Variants in RYR3 observed in about 807,000 individuals in gnomAD.
RYR3 encodes the protein brain ryanodine receptor-calcium release channel.
In RYR3, 207 loss-of-function variants were observed where a neutral mutation model predicts 584.3. The observed-to-expected ratio is 0.35, with a 90% CI of 0.32 to 0.40. RYR3 has a LOEUF of 0.40. RYR3 is among the 10% of genes least tolerant of loss of function. The pLI, the probability that RYR3 is intolerant of heterozygous loss-of-function variation, is 1.00. For missense variants in RYR3, 5,616 were observed against 6,089.2 expected, an observed-to-expected ratio of 0.92 and a Z score of 2.59; for synonymous variants, 2,416 against 2,248.5, an observed-to-expected ratio of 1.07 and a Z score of -2.11.
intron 85 of RYR3, 152 bp from the exon 86 acceptor site, chr15:33,830,811 G>A: frequency 3.1e-6 from 2 of 636,564 alleles, no homozygotes; most frequent in Non-Finnish European, 5.1e-6. Context: ...CTAGAGACCT[G>A]GTATCTCTGC....
chr15:33,442,641 C>T (rs1332729653), intron 1 of RYR3, among the ~76,000 whole-genome samples: 1 of 152,168 alleles, frequency 6.6e-6, no homozygotes, highest in East Asian at 1.9e-4. Flanking sequence ...TTGCACATGG[C>T]CTGAAAATGT....
intron 36 of RYR3, among the ~76,000 whole-genome samples, chr15:33,668,189 C>T (rs1056402164): frequency 4.0e-5 from 6 of 148,924 alleles, no homozygotes; most frequent in South Asian, 2.1e-4. Context: ...TGTTGGCGGG[C>T]GCCTGTGGTC....
intron 1 of RYR3, among the ~76,000 whole-genome samples, chr15:33,362,397 G>A (rs1173961110): frequency 3.9e-5 from 6 of 152,052 alleles, no homozygotes; most frequent in Non-Finnish European, 7.4e-5. Flanking sequence ...AATGTCTGTC[G>A]TCATCATCAT....
intron 1 of RYR3, among the ~76,000 whole-genome samples, chr15:33,400,024 CT>C (rs539974244): frequency 6.2e-4 from 95 of 152,232 alleles, no homozygotes; most frequent in African/African-American, 2.0e-3. Context: ...TCTCATGCCC[CT>C]CCCCTCTTCT....
At position 33,812,925 on chromosome 15, in the gene RYR3, A is replaced by G; in HGVS notation, c.10320A>G (p.Glu3440=). The G allele has an allele frequency of 6.2e-7, 1 of 1,614,008 alleles. No individual in the cohort carries two copies. Reference sequence around the variant, plus strand: ...ACAAGGATGTTCTGAAGAGTGAAGAACCTTTCAATCCGGAAAAGACAGTGG... The same window carrying G: ...ACAAGGATGTTCTGAAGAGTGAAGAGCCTTTCAATCCGGAAAAGACAGTGG... The part of the protein sequence containing the change: ...NLYKDVLKSE[E]PFNPEKTVER... The change falls in exon 73 of 104, where the codon GAA becomes GAG. Residue 3440 remains glutamate, a synonymous_variant. Transcript: ENST00000634891.
At chr15:33,342,609 C>CT (rs777999586) in intron 1 of RYR3, among the ~76,000 whole-genome samples, 25 of 150,364 alleles carry the variant, frequency 1.7e-4, no homozygotes, top group Admixed American at 1.2e-3. Context: ...AATAATCAAT[C>CT]TTGTTTGTTA....
At chr15:33,794,926 G>T (rs2152924099) in intron 67 of RYR3, among the ~76,000 whole-genome samples, 1 of 152,266 alleles carries the variant, frequency 6.6e-6, no homozygotes, top group Middle Eastern at 3.4e-3. Flanking sequence ...TGGTTATTGG[G>T]AAAAGTGGGG....
intron 1 of RYR3, among the ~76,000 whole-genome samples, chr15:33,406,445 G>A (rs1415069551): frequency 2.0e-5 from 3 of 152,120 alleles, no homozygotes; most frequent in African/African-American, 4.8e-5. Flanking sequence ...ATCTATCCCC[G>A]TCAGCATGAC....
intron 32 of RYR3, among the ~76,000 whole-genome samples, chr15:33,655,436 T>C (rs2062770449): frequency 6.6e-6 from 1 of 152,180 alleles, no homozygotes; most frequent in South Asian, 2.1e-4. Flanking sequence ...AATAATTAAT[T>C]TTTTAAAATG....
chr15:33,340,844 C>A (rs950666817), intron 1 of RYR3, among the ~76,000 whole-genome samples: 2 of 152,110 alleles, frequency 1.3e-5, no homozygotes, highest in African/African-American at 4.8e-5. Context: ...AATCATGGCC[C>A]ACCTATACCC....
intron 11 of RYR3, among the ~76,000 whole-genome samples, chr15:33,563,722 G>A (rs2057542046): frequency 6.6e-6 from 1 of 152,166 alleles, no homozygotes; most frequent in South Asian, 2.1e-4. Flanking sequence ...TGTAGTTGAG[G>A]TATAGCAGCC....
intron 1 of RYR3, among the ~76,000 whole-genome samples, chr15:33,456,706 G>A (rs2047591775): frequency 6.6e-6 from 1 of 152,142 alleles, no homozygotes; most frequent in Non-Finnish European, 1.5e-5. Flanking sequence ...ACCTTCTCAG[G>A]GTTTTGCTAG....
chr15:33,649,085 C>T lies in RYR3; in HGVS notation c.3992C>T (p.Ala1331Val). 3.7e-6 allele frequency: 6 copies of T among 1,613,254 alleles called. No homozygotes were observed. The highest frequency in any genetic ancestry group is 5.1e-6 in the Non-Finnish European group (6 of 1,179,786). Residue 1331 changes from alanine (A) to valine (V), a missense_variant, in exon 31 of 104, where the codon GCC becomes GTC. Physicochemically the swap from Ala to Val is moderately conservative, Grantham distance 64 (BLOSUM62 0). This residue lies in a region of RYR3 where 753 missense variants were observed against 741.0 expected (regional missense o/e 1.02). Coordinates refer to ENST00000634891, the MANE Select transcript of RYR3 (RefSeq NM_001036.6). ...LSHTTTQCYY[A>V]IRIFAGQDPS... ...GTCTCTCCACAGCAGTGCTACTACGCCATCCGCATCTTTGCTGGACAGGAT... is the reference window on the plus strand; with the variant it reads ...GTCTCTCCACAGCAGTGCTACTACGTCATCCGCATCTTTGCTGGACAGGAT...
Position 33,852,985 on chromosome 15 carries a change from T to C in RYR3, c.13629-60T>C. The C allele has an allele frequency of 1.4e-6, 2 of 1,436,344 alleles. 1 individual carries two copies. Among genetic ancestry groups the C allele is most frequent in the South Asian group, 2.4e-5 (2 of 81,850 alleles). 89.0% of individuals were successfully genotyped at this position (1,436,344 alleles called of 1,614,324 possible). A position where few individuals can be genotyped will look rare whatever the true frequency, so the allele number is the denominator to read the frequency against. ...CCAGGCACTCAAACTGAAACGTTTC[T>C]TGATGTGTTTTCCTTGATGTTAAGA... On this transcript the variant is annotated intron_variant, in intron 94 of 103. Transcript: ENST00000634891.
intron 2 of RYR3, among the ~76,000 whole-genome samples, chr15:33,488,517 A>G (rs1032685232): frequency 6.6e-6 from 1 of 151,558 alleles, no homozygotes; most frequent in African/African-American, 2.4e-5. Flanking sequence ...GGAAGAAGAA[A>G]TAAAATGGTA....
chr15:33,337,104 C>G (rs1265277456), intron 1 of RYR3, among the ~76,000 whole-genome samples: 2 of 117,820 alleles, frequency 1.7e-5, no homozygotes, highest in East Asian at 5.5e-4. Flanking sequence ...TCTGAGGAGA[C>G]TGATAAAAAA....
At chr15:33,452,290 C>A (rs2047196585) in intron 1 of RYR3, among the ~76,000 whole-genome samples, 1 of 152,196 alleles carries the variant, frequency 6.6e-6, no homozygotes, top group Non-Finnish European at 1.5e-5. Flanking sequence ...TAACTTCCAA[C>A]TTTCCAAAGC....
chr15:33,435,883 A>G (rs1014480268), intron 1 of RYR3, among the ~76,000 whole-genome samples: 5 of 152,244 alleles, frequency 3.3e-5, no homozygotes, highest in African/African-American at 4.8e-5. Flanking sequence ...GTGAGTTGCC[A>G]CTACTGGCTG....
chr15:33,408,464 A>G (rs1362759820), intron 1 of RYR3, among the ~76,000 whole-genome samples: 1 of 152,212 alleles, frequency 6.6e-6, no homozygotes, highest in East Asian at 1.9e-4. Context: ...TGTGATAAAT[A>G]TCAATGATTG....
Sources: gnomAD v4.1 joint callset for allele counts (sites outside exome capture counted in the v4.1 genomes callset) on GRCh38, gnomAD v4.1.1 for gene constraint, gnomAD v4.1.1 regional missense constraint, MANE v1.5 for transcripts, NCBI Gene and HGNC (gene_info 2026-07-23, HGNC 2026-07-21) for gene names.